Variants in ABCC3 observed in about 807,000 individuals in gnomAD.
ABCC3 encodes the protein ATP-binding cassette sub-family C member 3.
A neutral mutation model predicts 165.3 loss-of-function variants in ABCC3; 121 were observed. The observed-to-expected ratio is 0.73, with a 90% CI of 0.63 to 0.85. The LOEUF (loss-of-function observed/expected upper bound fraction) is 0.85, where lower values mean the gene tolerates loss of function less well. Among genes scored for constraint, ABCC3 ranks in the 40% least tolerant of loss-of-function variants. The pLI is 0.00. For missense variants in ABCC3, 1,869 were observed against 1,964.1 expected, an observed-to-expected ratio of 0.95 and a Z score of 0.92; for synonymous variants, 733 against 810.1, an observed-to-expected ratio of 0.90 and a Z score of 1.62.
Position 50,673,585 on chromosome 17 carries a change from C to T in ABCC3, c.2526C>T (p.Asn842=), listed in dbSNP as rs200282300. The T allele has an allele frequency of 6.1e-5, 98 of 1,614,212 alleles. No homozygotes were observed. In the East Asian group the frequency reaches 1.3e-3, roughly 21 times the overall value. Residue 842 remains asparagine, a synonymous_variant, in exon 19 of 31, where the codon AAC becomes AAT. Transcript: ENST00000285238. The part of the protein sequence containing the change: ...MGPYPALLQR[N]GSFANFLCNY... ...CGTACCCAGCCCTGCTGCAGCGCAA[C>T]GGCTCCTTTGCCAACTTTCTCTGCA...
At chr17:50,686,330 A>G (rs922967952) in intron 29 of ABCC3, among the ~76,000 whole-genome samples, 1 of 152,184 alleles carries the variant, frequency 6.6e-6, no homozygotes, top group Non-Finnish European at 1.5e-5. Context: ...TCCTCGCAGC[A>G]GTTCAGCTGG....
chr17:50,640,667 C>T (rs574683519), intron 1 of ABCC3, among the ~76,000 whole-genome samples: 18 of 152,300 alleles, frequency 1.2e-4, no homozygotes, highest in South Asian at 4.1e-4. Context: ...TACAGGCATG[C>T]GCCACCATGC....
At chr17:50,665,777 TG>T (rs1367496007) in intron 11 of ABCC3, among the ~76,000 whole-genome samples, 1 of 148,556 alleles carries the variant, frequency 6.7e-6, no homozygotes, top group Non-Finnish European at 1.5e-5. Flanking sequence ...GGCTTATTTT[TG>T]TATTTTTTTT....
At chr17:50,679,959 G>C (rs576212627) in intron 26 of ABCC3, 60 bp downstream of exon 26, 1 of 1,388,704 alleles carries the variant, frequency 7.2e-7, no homozygotes, top group Non-Finnish European at 1.0e-6. Flanking sequence ...AAGAAAGCTT[G>C]GTGGCTCTCT....
At chr17:50,644,083 C>T (rs749348767) in intron 1 of ABCC3, among the ~76,000 whole-genome samples, 49 of 151,716 alleles carry the variant, frequency 3.2e-4, no homozygotes, top group Non-Finnish European at 6.5e-4. Flanking sequence ...GAGGCTGAGG[C>T]GGGCGGATCA....
At chr17:50,672,063 C>T (rs1289908011) in intron 17 of ABCC3, among the ~76,000 whole-genome samples, 4 of 152,040 alleles carry the variant, frequency 2.6e-5, no homozygotes, top group Admixed American at 2.0e-4. Context: ...CGGTCCCACT[C>T]CCCCAGTAAC....
chr17:50,658,793 T>C (rs1967314724), intron 6 of ABCC3, among the ~76,000 whole-genome samples: 2 of 152,226 alleles, frequency 1.3e-5, no homozygotes, highest in Admixed American at 6.5e-5. Context: ...CTCCTCTGTT[T>C]GTGATAAACT....
intron 1 of ABCC3, among the ~76,000 whole-genome samples, chr17:50,644,814 C>T (rs61149447): frequency 1.3e-5 from 2 of 152,112 alleles, no homozygotes; most frequent in African/African-American, 2.4e-5. Context: ...GTCAGGAGAT[C>T]GAGACCATCC....
In ABCC3 at chr17:50,673,523, A is replaced by T. The variant is rs1967695755; in HGVS notation, c.2464A>T (p.Ile822Phe). The change falls in exon 19 of 31, where the codon ATT (isoleucine) becomes TTT (phenylalanine). Residue 822 changes from isoleucine to phenylalanine, a missense_variant. Transcript: ENST00000285238. ...CTTCCTGCCCCAGACAGACTTCATC[A>T]TTGTGCTAGCTGATGGACAGGTGTC... The part of the protein sequence containing the change: ...ISFLPQTDFI[I>F]VLADGQVSEM... 5.0e-6 allele frequency: 8 copies of T among 1,614,140 alleles called. No homozygotes were observed. Among genetic ancestry groups the T allele is most frequent in the Non-Finnish European group, 5.9e-6 (7 of 1,180,020 alleles).
At chr17:50,690,815 G>A (rs1402094631) in intron 30 of ABCC3, among the ~76,000 whole-genome samples, 1 of 152,234 alleles carries the variant, frequency 6.6e-6, no homozygotes, top group Non-Finnish European at 1.5e-5. Flanking sequence ...CTGTGACCCC[G>A]GCAAGGGGAA....
Position 50,657,130 on chromosome 17 carries a change from G to A in ABCC3, c.433G>A (p.Val145Met), listed in dbSNP as rs758254910. The change falls in exon 4 of 31, where the codon GTG (valine) becomes ATG (methionine). Residue 145 changes from valine to methionine, a missense_variant. By Grantham distance (21) the Val-to-Met change is conservative. Transcript: ENST00000285238. ...CCTCATTATCTTCTGGTTCCTGTGT[G>A]TGGTCTGCGCCATCGTCCCATTCCG... ...GVLIIFWFLC[V>M]VCAIVPFRSK... is the part of the protein sequence containing the mutation. The A allele has an allele frequency of 6.2e-7, 1 of 1,614,190 alleles. No homozygotes were observed. Among genetic ancestry groups the A allele is most frequent in the Non-Finnish European group, 8.5e-7 (1 of 1,180,024 alleles).
At chr17:50,651,386 T>C (rs896335748) in intron 1 of ABCC3, among the ~76,000 whole-genome samples, 4 of 152,208 alleles carry the variant, frequency 2.6e-5, no homozygotes, top group African/African-American at 9.7e-5. Context: ...TTGTACAGAT[T>C]TCCCTCCTCC....
chr17:50,662,501 G>A (rs1240812093), intron 8 of ABCC3, among the ~76,000 whole-genome samples: 1 of 152,070 alleles, frequency 6.6e-6, no homozygotes, highest in Admixed American at 6.5e-5. Flanking sequence ...AGCCAGGCCT[G>A]GTGGCATACG....
In ABCC3 at chr17:50,683,784, G is replaced by A. The variant is rs757994780; in HGVS notation, c.3954+28G>A. On this transcript the variant is annotated intron_variant, in intron 27 of 30. Transcript: ENST00000285238. Reference sequence around the variant, plus strand: ...ACGCGTGGGGTAGGCGGGCCTGCGTGTGTGTTCATGCCTGCAGACATGGCC... The same window carrying A: ...ACGCGTGGGGTAGGCGGGCCTGCGTATGTGTTCATGCCTGCAGACATGGCC... The A allele has an allele frequency of 3.1e-6, 5 of 1,594,050 alleles. No homozygotes were observed. In the South Asian group the frequency reaches 4.5e-5, roughly 14 times the overall value.
Position 50,684,855 on chromosome 17 carries a change from A to G in ABCC3, c.4260A>G (p.Ser1420=). The change falls in exon 29 of 31, where the codon TCA becomes TCG. Residue 1420 remains serine (S), a synonymous_variant. Transcript: ENST00000285238. ...SQPAGLDFQC[S]EGGENLSVGQ... ...CGGCAGGCCTGGACTTCCAGTGCTC[A>G]GAGGGCGGGGAGAATCTCAGGTAAA... is the stretch of plus-strand genomic sequence containing the variant. 6.2e-7 allele frequency: 1 copy of G among 1,614,108 alleles called. No individual in the cohort carries two copies. Among genetic ancestry groups the G allele is most frequent in the Non-Finnish European group, 8.5e-7 (1 of 1,180,014 alleles).
At chr17:50,645,677 T>G (rs1470250643) in intron 1 of ABCC3, among the ~76,000 whole-genome samples, 1 of 152,128 alleles carries the variant, frequency 6.6e-6, no homozygotes, top group African/African-American at 2.4e-5. Context: ...CATGGCTCAC[T>G]GCAGCAACAA....
At chr17:50,682,487 T>TCAGC (rs1260569401) in intron 26 of ABCC3, among the ~76,000 whole-genome samples, 2 of 150,156 alleles carry the variant, frequency 1.3e-5, no homozygotes, top group Non-Finnish European at 2.9e-5. Context: ...CACCATTACC[T>TCAGC]CAGCCTCTTA....
At chr17:50,643,267 A>G (rs1966924256) in intron 1 of ABCC3, among the ~76,000 whole-genome samples, 1 of 152,228 alleles carries the variant, frequency 6.6e-6, no homozygotes, top group African/African-American at 2.4e-5. Context: ...TAACTGGAGT[A>G]CCTGATCAGG....
chr17:50,667,625 G>A lies in ABCC3; in HGVS notation c.1503G>A (p.Leu501=). The part of the protein sequence containing the change: ...MSEILNGIKV[L]KLYAWEPSFL... ...AGATCCTGAACGGCATCAAGGTGCT[G>A]AAGCTGTACGCCTGGGAGCCCAGCT... The change falls in exon 12 of 31, where the codon CTG becomes CTA. Residue 501 remains leucine (L), a synonymous_variant. Coordinates refer to ENST00000285238, the MANE Select transcript of ABCC3 (RefSeq NM_003786.4). The A allele has an allele frequency of 6.2e-7, 1 of 1,614,240 alleles. No homozygotes were observed. The highest frequency in any genetic ancestry group is 8.5e-7 in the Non-Finnish European group (1 of 1,180,048).
Sources: allele counts gnomAD v4.1 joint callset (sites outside exome capture counted in the v4.1 genomes callset), GRCh38; gene constraint gnomAD v4.1.1; transcripts MANE v1.5; gene names NCBI Gene and HGNC (gene_info 2026-07-23, HGNC 2026-07-21).